Variants in ZNF438 observed in about 807,000 individuals in gnomAD.
ZNF438 encodes the protein zinc finger protein 438.
ZNF438 carries 25 observed loss-of-function variants against 38.0 expected under a neutral mutation model. The ratio of observed to expected loss-of-function variants is 0.66; its 90% CI spans 0.48 to 0.92. ZNF438 has a LOEUF of 0.92. Ranked by LOEUF, ZNF438 falls within the 40% of genes least tolerant of loss-of-function variation. The probability of loss-of-function intolerance (pLI) is 0.00; values close to 1 mark genes in which losing one functional copy is unlikely to be tolerated. For missense variants in ZNF438, 1,007 were observed against 999.6 expected, an observed-to-expected ratio of 1.01 and a Z score of -0.10; for synonymous variants, 372 against 364.1, an observed-to-expected ratio of 1.02 and a Z score of -0.25.
chr10:30,864,933 T>C (rs1176933412), intron 4 of ZNF438, among the ~76,000 whole-genome samples: 1 of 152,200 alleles, frequency 6.6e-6, no homozygotes, highest in Non-Finnish European at 1.5e-5. Flanking sequence ...TTCTTGGTAT[T>C]AACACCTCCA....
intron 4 of ZNF438, 128 bp from the exon 6 acceptor site, chr10:30,850,495 A>C: frequency 9.5e-7 from 1 of 1,050,884 alleles, no homozygotes; most frequent in Non-Finnish European, 1.3e-6. Flanking sequence ...CCTTCTGGGC[A>C]AAATCTTGTG....
At chr10:30,857,282 A>G (rs1188119786) in intron 4 of ZNF438, among the ~76,000 whole-genome samples, 1 of 147,460 alleles carries the variant, frequency 6.8e-6, no homozygotes, top group Non-Finnish European at 1.5e-5. Flanking sequence ...TTTGAGACAC[A>G]GTCTTGCTGT....
intron 3 of ZNF438, among the ~76,000 whole-genome samples, chr10:30,892,582 C>CA (rs201287314): frequency 6.1e-4 from 84 of 138,260 alleles, no homozygotes; most frequent in Middle Eastern, 7.3e-3. Flanking sequence ...AATACCAGTC[C>CA]AAAAAAAAAA....
chr10:30,852,103 T>C (rs749469237), intron 4 of ZNF438, among the ~76,000 whole-genome samples: 1 of 150,942 alleles, frequency 6.6e-6, no homozygotes, highest in Non-Finnish European at 1.5e-5. Context: ...GCAGAGGTTG[T>C]AGTGAGCCGA....
At chr10:31,016,651 T>C (rs902128090) in intron 1 of ZNF438, among the ~76,000 whole-genome samples, 1 of 152,182 alleles carries the variant, frequency 6.6e-6, no homozygotes, top group African/African-American at 2.4e-5. Flanking sequence ...CACCAATGCT[T>C]CATTTACGGG....
At chr10:30,938,917 C>G (rs1054134871) in intron 2 of ZNF438, among the ~76,000 whole-genome samples, 1 of 152,122 alleles carries the variant, frequency 6.6e-6, no homozygotes, top group Admixed American at 6.6e-5. Context: ...GCCTCAGCCT[C>G]CTGAGTAGCT....
intron 4 of ZNF438, among the ~76,000 whole-genome samples, chr10:30,870,312 G>A (rs1440264436): frequency 1.3e-5 from 2 of 152,122 alleles, no homozygotes; most frequent in African/African-American, 4.8e-5. Context: ...AAAAAAGTTT[G>A]AGCCACTTGA....
intron 4 of ZNF438, among the ~76,000 whole-genome samples, chr10:30,855,399 C>A (rs1402751615): frequency 6.6e-6 from 1 of 152,174 alleles, no homozygotes; most frequent in Non-Finnish European, 1.5e-5. Flanking sequence ...ATCAATATCA[C>A]AAGCTAATCA....
intron 1 of ZNF438, among the ~76,000 whole-genome samples, chr10:30,972,977 T>A (rs1223812652): frequency 6.6e-6 from 1 of 152,032 alleles, no homozygotes; most frequent in Non-Finnish European, 1.5e-5. Flanking sequence ...CATCATCATC[T>A]TCATCATCAG....
chr10:30,947,653 A>G (rs958339060), intron 1 of ZNF438, among the ~76,000 whole-genome samples: 2 of 152,136 alleles, frequency 1.3e-5, no homozygotes, highest in Non-Finnish European at 2.9e-5. Context: ...TTGATCTCAG[A>G]CTGCTGTGCT....
At position 30,850,379 on chromosome 10, in the gene ZNF438, A is replaced by G. The variant is rs376773283; in HGVS notation, c.38-12T>C. 4.4e-6 allele frequency: 7 copies of G among 1,603,782 alleles called. No individual in the cohort carries two copies. Among genetic ancestry groups the G allele is most frequent in the Non-Finnish European group, 6.0e-6 (7 of 1,174,964 alleles). ...GATGTTTGATTCACCTGCAATGACA[A>G]TAAAATATAAAGAGTTACTGTATGT... On this transcript the variant is annotated splice_polypyrimidine_tract_variant and intron_variant, in intron 4 of 5. Coordinates refer to ENST00000413025, the Ensembl canonical transcript of ZNF438.
intron 4 of ZNF438, among the ~76,000 whole-genome samples, chr10:30,862,286 T>C (rs989777858): frequency 1.3e-5 from 2 of 151,870 alleles, no homozygotes; most frequent in Non-Finnish European, 2.9e-5. Flanking sequence ...AAACTAAAAA[T>C]GGGCCCTTTT....
intron 4 of ZNF438, among the ~76,000 whole-genome samples, chr10:30,871,563 G>C (rs891078095): frequency 6.6e-6 from 1 of 152,110 alleles, no homozygotes; most frequent in African/African-American, 2.4e-5. Context: ...AATGATATGA[G>C]TATTAACTAG....
At chr10:30,999,145 A>G (rs1012072031) in intron 1 of ZNF438, among the ~76,000 whole-genome samples, 2 of 152,234 alleles carry the variant, frequency 1.3e-5, no homozygotes, top group Admixed American at 1.3e-4. Context: ...TTTGAAGCCC[A>G]AAACATTTTT....
chr10:30,953,669 CAA>C (rs141368082), intron 1 of ZNF438, among the ~76,000 whole-genome samples: 91,013 of 144,000 alleles, frequency 0.63, 28,969 homozygotes, highest in African/African-American at 0.81. Flanking sequence ...CACACACACA[CAA>C]AAAAAAAACA....
At chr10:30,925,136 A>G (rs1044934563) in intron 2 of ZNF438, among the ~76,000 whole-genome samples, 1 of 152,156 alleles carries the variant, frequency 6.6e-6, no homozygotes, top group Non-Finnish European at 1.5e-5. Flanking sequence ...GCCAATAATG[A>G]CAGTGTTTTT....
At chr10:30,863,898 G>A (rs1206332676) in intron 4 of ZNF438, among the ~76,000 whole-genome samples, 1 of 152,164 alleles carries the variant, frequency 6.6e-6, no homozygotes, top group Non-Finnish European at 1.5e-5. Flanking sequence ...CATTGTGAAC[G>A]CTGGACAGTG....
intron 1 of ZNF438, among the ~76,000 whole-genome samples, chr10:30,969,094 AT>A (rs143390666): frequency 1.1e-4 from 16 of 151,724 alleles, no homozygotes; most frequent in Non-Finnish European, 1.9e-4. Context: ...TGGAAATAAG[AT>A]TTTTTTTTCA....
chr10:30,916,407 C>G (rs920255582), intron 2 of ZNF438, among the ~76,000 whole-genome samples: 1 of 151,960 alleles, frequency 6.6e-6, no homozygotes, highest in African/African-American at 2.4e-5. Flanking sequence ...AAATGAACAC[C>G]TGTTTTCCCA....
Sources: gnomAD v4.1 joint callset for allele counts (sites outside exome capture counted in the v4.1 genomes callset) on GRCh38, gnomAD v4.1.1 for gene constraint, MANE v1.5 for transcripts, NCBI Gene and HGNC (gene_info 2026-07-23, HGNC 2026-07-21) for gene names.